SH3PXD2A: variants seen among roughly 807,000 people sequenced by gnomAD.
SH3PXD2A encodes SH3 and PX domain-containing protein 2A.
Under a neutral mutation model 115.2 loss-of-function variants are expected in SH3PXD2A, and 32 were observed. The ratio of observed to expected loss-of-function variants is 0.28; its 90% CI spans 0.21 to 0.37. The LOEUF (loss-of-function observed/expected upper bound fraction) is 0.37, where lower values mean the gene tolerates loss of function less well. Among genes scored for constraint, SH3PXD2A ranks in the 10% least tolerant of loss-of-function variants. SH3PXD2A has a pLI of 1.00. For missense variants in SH3PXD2A, 1,328 were observed against 1,498.7 expected, an observed-to-expected ratio of 0.89 and a Z score of 1.88; for synonymous variants, 610 against 629.1, an observed-to-expected ratio of 0.97 and a Z score of 0.45.
chr10:103,677,976 C>A, intron 6 of SH3PXD2A: 3 of 523,926 alleles, frequency 5.7e-6, no homozygotes, highest in African/African-American at 1.9e-5. Context: ...TTGTGCTGGG[C>A]ACAGTGGCTC....
intron 5 of SH3PXD2A, among the ~76,000 whole-genome samples, chr10:103,699,928 G>C (rs1453799907): frequency 1.3e-5 from 2 of 152,204 alleles, no homozygotes; most frequent in Admixed American, 1.3e-4. Context: ...GGAGAGAAGG[G>C]GTCTTGGGGC....
At chr10:103,766,839 A>G (rs1386950552) in intron 3 of SH3PXD2A, among the ~76,000 whole-genome samples, 1 of 152,214 alleles carries the variant, frequency 6.6e-6, no homozygotes, top group Non-Finnish European at 1.5e-5. Context: ...ACCAAAGTCC[A>G]GGAGCCTGAG....
chr10:103,789,938 A>G (rs888601623), intron 2 of SH3PXD2A, among the ~76,000 whole-genome samples: 1 of 152,108 alleles, frequency 6.6e-6, no homozygotes, highest in Non-Finnish European at 1.5e-5. Context: ...GAGGCAGGTG[A>G]CGGTGTGCAG....
At chr10:103,648,530 C>T (rs920143633) in intron 8 of SH3PXD2A, among the ~76,000 whole-genome samples, 2 of 152,220 alleles carry the variant, frequency 1.3e-5, no homozygotes, top group Non-Finnish European at 2.9e-5. Flanking sequence ...GAGACACCCT[C>T]GCTCACTTGG....
intron 2 of SH3PXD2A, among the ~76,000 whole-genome samples, chr10:103,786,870 G>A (rs79005084): frequency 0.055 from 8,319 of 152,166 alleles, 284 homozygotes; most frequent in South Asian, 0.096. Context: ...CCCTGCCTCA[G>A]GAGGAGCAAG....
At chr10:103,728,277 C>G (rs577549712) in intron 4 of SH3PXD2A, among the ~76,000 whole-genome samples, 2 of 152,130 alleles carry the variant, frequency 1.3e-5, no homozygotes, top group South Asian at 2.1e-4. Flanking sequence ...GGAAGTTAAG[C>G]GAGATGAATA....
At chr10:103,778,078 C>A (rs2038897201) in intron 2 of SH3PXD2A, among the ~76,000 whole-genome samples, 1 of 152,112 alleles carries the variant, frequency 6.6e-6, no homozygotes, top group Admixed American at 6.6e-5. Context: ...GCCTGTAATC[C>A]CAGCACTTTG....
chr10:103,807,739 C>T (rs1258698877), intron 1 of SH3PXD2A, among the ~76,000 whole-genome samples: 3 of 152,196 alleles, frequency 2.0e-5, no homozygotes, highest in African/African-American at 4.8e-5. Flanking sequence ...TGAGGTCATA[C>T]GATCTCTTCA....
At chr10:103,677,981 T>C (rs1012506623) in intron 6 of SH3PXD2A, 82 of 538,472 alleles carry the variant, frequency 1.5e-4, no homozygotes, top group African/African-American at 1.4e-3. Flanking sequence ...CTGGGCACAG[T>C]GGCTCCCGTG....
intron 8 of SH3PXD2A, among the ~76,000 whole-genome samples, chr10:103,657,120 C>G (rs945484776): frequency 1.3e-5 from 2 of 151,908 alleles, no homozygotes; most frequent in Non-Finnish European, 2.9e-5. Context: ...AATGATGGAC[C>G]AGGAGCTCAA....
intron 1 of SH3PXD2A, among the ~76,000 whole-genome samples, chr10:103,838,857 C>G (rs1202901794): frequency 6.6e-6 from 1 of 152,086 alleles, no homozygotes; most frequent in African/African-American, 2.4e-5. Flanking sequence ...ATGGGGGTTC[C>G]CAGTACAATC....
intron 1 of SH3PXD2A, 106 bp downstream of exon 1, chr10:103,855,088 TG>T: frequency 4.6e-6 from 3 of 650,934 alleles, no homozygotes; most frequent in South Asian, 2.7e-5. Context: ...GGCTGCCCAG[TG>T]GGCGCTTAGC....
intron 4 of SH3PXD2A, among the ~76,000 whole-genome samples, chr10:103,727,936 C>T (rs1295506688): frequency 6.6e-6 from 1 of 152,222 alleles, no homozygotes; most frequent in Non-Finnish European, 1.5e-5. Context: ...AGTGAGTCCC[C>T]GCAGCCTGGG....
intron 5 of SH3PXD2A, among the ~76,000 whole-genome samples, chr10:103,718,710 G>C (rs2038138224): frequency 6.7e-6 from 1 of 149,170 alleles, no homozygotes; most frequent in Non-Finnish European, 1.5e-5. Flanking sequence ...AATACAATAA[G>C]GCAAACACTC....
intron 4 of SH3PXD2A, among the ~76,000 whole-genome samples, chr10:103,733,352 C>G (rs534856328): frequency 1.3e-5 from 2 of 152,330 alleles, no homozygotes; most frequent in East Asian, 3.9e-4. Context: ...TTCCTTGGAG[C>G]CCAACTGCAG....
At chr10:103,683,157 C>G (rs991400004) in intron 6 of SH3PXD2A, among the ~76,000 whole-genome samples, 3 of 151,722 alleles carry the variant, frequency 2.0e-5, no homozygotes, top group African/African-American at 7.3e-5. Context: ...GCCTGGAATT[C>G]AACACCAGCC....
chr10:103,775,166 A>T (rs562619371), intron 2 of SH3PXD2A, among the ~76,000 whole-genome samples: 1 of 152,296 alleles, frequency 6.6e-6, no homozygotes, highest in Non-Finnish European at 1.5e-5. Context: ...AACACACCCC[A>T]ACTTTGACAG....
At position 103,800,895 on chromosome 10, in the gene SH3PXD2A, G is replaced by A. The variant is rs559321315; in HGVS notation, c.153+387C>T. 1.7e-4 allele frequency among the ~76,000 whole-genome samples: 26 copies of A among 152,300 alleles called. No individual in the cohort carries two copies. The East Asian group carries it at 5.0e-3, about 29-fold the overall frequency. On this transcript the variant is annotated intron_variant, in intron 2 of 14. Coordinates refer to ENST00000369774, the MANE Select transcript of SH3PXD2A (RefSeq NM_001394015.1). ...TATTTTCTGTTTCGGTCTTCCCTGA[G>A]TGTTTGCTTTTCTTTGCCTGCAATG...
intron 1 of SH3PXD2A, among the ~76,000 whole-genome samples, chr10:103,819,244 G>C (rs1284887362): frequency 6.6e-6 from 1 of 152,222 alleles, no homozygotes; most frequent in Non-Finnish European, 1.5e-5. Context: ...GTGCTGTAAG[G>C]CTAGGTCAAG....
Sources: allele counts gnomAD v4.1 joint callset (sites outside exome capture counted in the v4.1 genomes callset), GRCh38; gene constraint gnomAD v4.1.1; transcripts MANE v1.5; gene names NCBI Gene and HGNC (gene_info 2026-07-23, HGNC 2026-07-21).